The following KCTD14 variants were observed in gnomAD, a reference collection of about 807,000 sequenced individuals.
KCTD14 encodes the protein potassium channel tetramerization domain containing 14.
A neutral mutation model predicts 5.9 loss-of-function variants in KCTD14; 7 were observed. The observed-to-expected ratio is 1.19, with a 90% CI of 0.68 to 2.23. The LOEUF is 2.23. Among genes scored for constraint, KCTD14 ranks in the 30% most tolerant of loss-of-function variants. KCTD14 has a pLI of 0.00. For synonymous variants in KCTD14, 140 were observed against 133.1 expected, an observed-to-expected ratio of 1.05 and a Z score of -0.36; for missense variants, 342 against 332.2, an observed-to-expected ratio of 1.03 and a Z score of -0.23.
At chr11:78,035,041 C>T (rs1002409643) in intron 2 of KCTD14, among the ~76,000 whole-genome samples, 1 of 152,184 alleles carries the variant, frequency 6.6e-6, no homozygotes, top group Non-Finnish European at 1.5e-5. Flanking sequence ...ACTGATGAAG[C>T]TCTGCCTAAG....
chr11:78,039,672 T>C (rs967013774), intron 1 of KCTD14, among the ~76,000 whole-genome samples: 2 of 150,294 alleles, frequency 1.3e-5, no homozygotes, highest in Non-Finnish European at 3.0e-5. Context: ...GAGACTGAGG[T>C]GGGAGGATCA....
chr11:78,024,394 A>AT (rs1857390647), upstream of KCTD14, among the ~76,000 whole-genome samples: 2 of 100,546 alleles, frequency 2.0e-5, no homozygotes, highest in African/African-American at 7.3e-5. Context: ...AAAAAAAAAA[A>AT]AAAATATATA....
chr11:78,024,429 C>A (rs868296297), upstream of KCTD14, among the ~76,000 whole-genome samples: 127 of 64,980 alleles, frequency 2.0e-3, no homozygotes, highest in African/African-American at 5.1e-3. Context: ...CACACACACA[C>A]ACACACACAC....
chr11:78,032,827 C>T (rs1303569833), intron 2 of KCTD14, among the ~76,000 whole-genome samples: 1 of 150,850 alleles, frequency 6.6e-6, no homozygotes, highest in Non-Finnish European at 1.5e-5. Context: ...CCAACAGGTA[C>T]AGCACCATGC....
intron 2 of KCTD14, among the ~76,000 whole-genome samples, chr11:78,035,750 C>CAGGAGAATCATTTGAACG (rs1335709025): frequency 6.9e-6 from 1 of 144,556 alleles, no homozygotes; most frequent in Non-Finnish European, 1.5e-5. Flanking sequence ...TAGGCTGAGG[C>CAGGAGAATCATTTGAACG]AGGAGAATCA....
Position 78,016,554 on chromosome 11 carries a change from A to G in KCTD14, c.*39T>C, listed in dbSNP as rs1182546504. ...TTTGATGGCAACTTTTAATTTCATA[A>G]GCCACGCCAGAATTCATAACAGTCT... is the stretch of plus-strand genomic sequence containing the variant. On this transcript the variant is annotated 3_prime_UTR_variant, in exon 2 of 2. Transcript: ENST00000353172. The G allele has an allele frequency of 1.9e-6, 3 of 1,543,628 alleles. No individual in the cohort carries two copies. The highest frequency in any genetic ancestry group is 2.6e-6 in the Non-Finnish European group (3 of 1,133,650).
upstream of KCTD14, among the ~76,000 whole-genome samples, chr11:78,025,114 GTGTGTATATATATATA>G (rs1375617528): frequency 0.014 from 915 of 66,774 alleles, 5 homozygotes; most frequent in South Asian, 0.03. Flanking sequence ...GTGTGTGTGT[GTGTGTATATATATATA>G]TATATATATA....
chr11:78,031,966 G>A (rs1857632323), intron 2 of KCTD14, among the ~76,000 whole-genome samples: 1 of 152,210 alleles, frequency 6.6e-6, no homozygotes, highest in Non-Finnish European at 1.5e-5. Context: ...AGATAATGGT[G>A]AACCAATGTG....
chr11:78,035,853 A>AAC (rs1857779348), intron 2 of KCTD14, among the ~76,000 whole-genome samples: 1 of 148,760 alleles, frequency 6.7e-6, no homozygotes, highest in African/African-American at 2.5e-5. Flanking sequence ...TCAAAAAAAA[A>AAC]AAAAAAAAAA....
chr11:78,021,387 T>C (rs1857302716), intron 1 of KCTD14, among the ~76,000 whole-genome samples: 1 of 151,486 alleles, frequency 6.6e-6, no homozygotes, highest in South Asian at 2.1e-4. Flanking sequence ...CTCAGCCGTG[T>C]TCCTAAGCTT....
At chr11:78,028,497 G>A (rs1427566922) in intron 2 of KCTD14, among the ~76,000 whole-genome samples, 1 of 151,960 alleles carries the variant, frequency 6.6e-6, no homozygotes, top group Non-Finnish European at 1.5e-5. Flanking sequence ...CAGCTACTCG[G>A]GAGGCTGAAG....
At chr11:78,045,415 G>T (rs1158889508) in intron 1 of KCTD14, among the ~76,000 whole-genome samples, 3 of 152,146 alleles carry the variant, frequency 2.0e-5, no homozygotes, top group Non-Finnish European at 4.4e-5. Context: ...GGAGTAATTG[G>T]GGAAGTTGCA....
chr11:78,020,719 A>G (rs1857284068), intron 1 of KCTD14, among the ~76,000 whole-genome samples: 1 of 152,234 alleles, frequency 6.6e-6, no homozygotes, highest in Admixed American at 6.5e-5. Flanking sequence ...CTCAGACAGA[A>G]GTCACACAGC....
rs1189324405 is a variant in KCTD14, at chr11:78,023,169, C to T, written c.81G>A (p.Arg27=). The change falls in exon 1 of 2, where the codon AGG becomes AGA. Residue 27 remains arginine (R), a synonymous_variant. Transcript: ENST00000353172. ...QTPLPQSPRP[R]RPTMSTVVEL... The stretch of plus-strand genomic sequence containing the variant: ...CTAGCCTCGCACTTACCGTTGGCCG[C>T]CTGGGCCGGGGGGACTGGGGCAGAG... The T allele has an allele frequency of 6.3e-7, 1 of 1,590,754 alleles. No individual in the cohort carries two copies. The highest frequency in any genetic ancestry group is 8.5e-7 in the Non-Finnish European group (1 of 1,171,138).
chr11:78,033,381 C>T (rs1857683462), intron 2 of KCTD14, among the ~76,000 whole-genome samples: 1 of 152,026 alleles, frequency 6.6e-6, no homozygotes, highest in African/African-American at 2.4e-5. Flanking sequence ...AGGAAGGTCA[C>T]CAAGATAACA....
chr11:78,024,411 TACACACACACACAC>T (rs58091495), upstream of KCTD14, among the ~76,000 whole-genome samples: 25 of 116,850 alleles, frequency 2.1e-4, 1 homozygote, highest in African/African-American at 6.7e-4. Flanking sequence ...TATATATATA[TACACACACACACAC>T]ACACACACAC....
In KCTD14 at chr11:78,043,842, C is replaced by T. The variant is rs567784105; in HGVS notation, c.-96+2219G>A. Among the ~76,000 whole-genome samples, 20 of 152,194 alleles carry T rather than the reference C, an allele frequency of 1.3e-4. 1 individual carries two copies. In the South Asian group the frequency reaches 2.7e-3, roughly 21 times the overall value. On this transcript the variant is annotated intron_variant, in intron 1 of 2. Coordinates refer to the KCTD14 transcript ENST00000533144. ...TCCTCTGAGGAAGTCTCTTCTGGCT[C>T]GAGGTGACAGACACCCTGAATAGCT... is the stretch of plus-strand genomic sequence containing the variant.
upstream of KCTD14, chr11:78,023,327 G>T: frequency 7.2e-7 from 1 of 1,397,656 alleles, no homozygotes; most frequent in South Asian, 1.2e-5. Context: ...GGCGGGACGG[G>T]GCTGAGCCAG....
intron 2 of KCTD14, among the ~76,000 whole-genome samples, chr11:78,033,513 C>T (rs955584747): frequency 5.3e-5 from 8 of 152,048 alleles, no homozygotes; most frequent in African/African-American, 1.9e-4. Flanking sequence ...GAAACCCTGT[C>T]TCTACTAAAA....
Sources: gnomAD v4.1 joint callset for allele counts (sites outside exome capture counted in the v4.1 genomes callset) on GRCh38, gnomAD v4.1.1 for gene constraint, MANE v1.5 for transcripts, NCBI Gene and HGNC (gene_info 2026-07-23, HGNC 2026-07-21) for gene names.